CEP78: variants seen among roughly 807,000 people sequenced by gnomAD.
CEP78 encodes centrosomal protein 78.
Under a neutral mutation model 81.2 loss-of-function variants are expected in CEP78, and 76 were observed. That is an observed-to-expected ratio of 0.94 (90% confidence interval 0.78 to 1.13). CEP78 has a LOEUF of 1.13. CEP78 is among the 50% of genes most tolerant of loss of function. CEP78 has a pLI of 0.00. For synonymous variants in CEP78, 293 were observed against 301.4 expected (o/e 0.97, Z 0.29); for missense variants, 918 against 846.8 (o/e 1.08, Z -1.04).
At chr9:78,250,801 A>G (rs1826723232) in intron 8 of CEP78, among the ~76,000 whole-genome samples, 1 of 152,220 alleles carries the variant, frequency 6.6e-6, no homozygotes, top group African/African-American at 2.4e-5. Flanking sequence ...AATACACAGT[A>G]ACTTTTTTTT....
Position 78,274,750 on chromosome 9 carries a change from TAACTC to T in CEP78, c.*3901_*3905del, listed in dbSNP as rs1827767194. ...GGAAATTTTTAAATGATCTTCTAAA[TAACTC>T]ATTTAAAGGAGAAATCAAAATAAAT... On this transcript the variant is annotated 3_prime_UTR_variant, in exon 17 of 17. Coordinates refer to ENST00000643273, the MANE Select transcript of CEP78 (RefSeq NM_001330691.3). 1 of 152,138 alleles carries T rather than the reference TAACTC, an allele frequency of 6.6e-6. No individual in the cohort carries two copies. The highest frequency in any genetic ancestry group is 2.4e-5 in the African/African-American group (1 of 41,446). The allele number at this position is 152,138 out of a possible 1,614,324, so 9.4% of individuals were successfully genotyped here.
rs1254414839 is a variant in CEP78, at chr9:78,253,241, A to G, written c.1215A>G (p.Pro405=). The G allele has an allele frequency of 7.4e-7, 1 of 1,349,958 alleles. No homozygotes were observed. The highest frequency in any genetic ancestry group is 1.8e-4 in the Middle Eastern group (1 of 5,594). The allele number at this position is 1,349,958 out of a possible 1,614,324, so 83.6% of individuals were successfully genotyped here. A position where few individuals can be genotyped will look rare whatever the true frequency, so the allele number is the denominator to read the frequency against. Residue 405 remains proline, a synonymous_variant, in exon 10 of 17, where the codon CCA becomes CCG. Transcript: ENST00000643273. ...ATCGATATCTTTTTAGGGGTTTCCC[A>G]TTAATCAAAACACGTGATATATGTA... ...AERAKRHRGF[P]LIKTRDICNQ... is the part of the protein sequence containing the mutation.
chr9:78,253,414 G>A (rs1826859375), intron 10 of CEP78, 137 bp downstream of exon 10: 2 of 627,750 alleles, frequency 3.2e-6, no homozygotes, highest in South Asian at 1.9e-5. Context: ...AAATTTTCTG[G>A]GTTCTCCCGG....
At chr9:78,268,907 T>G (rs530463964) in intron 16 of CEP78, among the ~76,000 whole-genome samples, 1 of 152,022 alleles carries the variant, frequency 6.6e-6, no homozygotes. Flanking sequence ...CCACCCACCT[T>G]GGCCTCCCAA....
chr9:78,246,688 C>T lies in CEP78; in HGVS notation c.798C>T (p.Cys266=), dbSNP rs201356997. 2.0e-3 allele frequency: 3,285 copies of T among 1,606,754 alleles called. 5 individuals are homozygous for T. The highest frequency in any genetic ancestry group is 2.6e-3 in the Non-Finnish European group (3,050 of 1,176,046). ...CGAAAGCTCTTGACCTGCAACAGTG[C>T]GGCCTCACCAATGAAGGAGCAAAGG... ...LWLRALDLQQ[C]GLTNEGAKAL... is the part of the protein sequence containing the mutation. Residue 266 remains cysteine (C), a synonymous_variant, in exon 6 of 17, where the codon TGC becomes TGT. Transcript: ENST00000643273.
chr9:78,240,917 C>G (rs1481787418), intron 3 of CEP78, among the ~76,000 whole-genome samples: 1 of 151,584 alleles, frequency 6.6e-6, no homozygotes, highest in African/African-American at 2.4e-5. Context: ...GAGCCAAGAT[C>G]ACACCACTGC....
At chr9:78,257,085 A>C (rs1009611365) in intron 11 of CEP78, among the ~76,000 whole-genome samples, 1 of 151,960 alleles carries the variant, frequency 6.6e-6, no homozygotes, top group African/African-American at 2.4e-5. Context: ...GGACAGAAAA[A>C]AATGGATGGA....
At chr9:78,246,922 A>G in intron 6 of CEP78, 140 bp downstream of exon 6, 1 of 522,112 alleles carries the variant, frequency 1.9e-6, no homozygotes, top group Non-Finnish European at 3.4e-6. Flanking sequence ...TTATGTTTTT[A>G]GTAGATAATT....
rs1587578302 is a variant in CEP78, at chr9:78,251,826, T to A, written c.1070-82T>A. The A allele has an allele frequency of 5.5e-6, 7 of 1,282,840 alleles. No homozygotes were observed. The East Asian group carries it at 1.7e-4, about 32-fold the overall frequency. 79.5% of individuals were successfully genotyped at this position (1,282,840 alleles called of 1,614,324 possible). On this transcript the variant is annotated intron_variant, in intron 8 of 16. Transcript: ENST00000643273. ...CATTGTCAGGTGCCCATTTGTATTC[T>A]TTTAAGAGTATGCACATGTGCCTAT...
chr9:78,244,072 CCT>C (rs969645610), intron 5 of CEP78, among the ~76,000 whole-genome samples: 1 of 151,356 alleles, frequency 6.6e-6, no homozygotes. Context: ...GTGCTTTTCC[CCT>C]GTTATAAACA....
Position 78,277,686 on chromosome 9 carries a change from T to G in CEP78, c.*6835T>G, listed in dbSNP as rs1316283142. The G allele has an allele frequency of 6.6e-6, 1 of 152,202 alleles. No homozygotes were observed. The highest frequency in any genetic ancestry group is 1.5e-5 in the Non-Finnish European group (1 of 68,022). 9.4% of individuals were successfully genotyped at this position (152,202 alleles called of 1,614,324 possible). Reference sequence around the variant, plus strand: ...TGACAGTGTGTATCAACATGTGAAATGTCTCCAGCCTTTGATCTAATGACT... The same window carrying G: ...TGACAGTGTGTATCAACATGTGAAAGGTCTCCAGCCTTTGATCTAATGACT... On this transcript the variant is annotated 3_prime_UTR_variant, in exon 17 of 17. Coordinates refer to ENST00000643273, the MANE Select transcript of CEP78 (RefSeq NM_001330691.3).
intron 16 of CEP78, among the ~76,000 whole-genome samples, chr9:78,270,322 T>A (rs1317027813): frequency 1.3e-5 from 2 of 152,240 alleles, no homozygotes; most frequent in African/African-American, 4.8e-5. Context: ...TTAAGAGTTA[T>A]AAATGTGGAT....
chr9:78,265,986 T>C (rs1431553199), intron 15 of CEP78, 80 bp downstream of exon 15: 4 of 731,260 alleles, frequency 5.5e-6, no homozygotes, highest in Non-Finnish European at 9.7e-6. Flanking sequence ...ATCATCTAGT[T>C]ATGGGAATGG....
intron 1 of CEP78, among the ~76,000 whole-genome samples, chr9:78,236,967 G>GTTTTTTT (rs1825974556): frequency 3.7e-5 from 2 of 54,488 alleles, no homozygotes; most frequent in African/African-American, 7.2e-5. Context: ...GTCAGCCTTT[G>GTTTTTTT]TCTTTTTTTT....
At position 78,271,999 on chromosome 9, in the gene CEP78, C is replaced by T. The variant is rs911443137; in HGVS notation, c.*1148C>T. 4.6e-5 allele frequency: 7 copies of T among 152,212 alleles called. No individual in the cohort carries two copies. Among genetic ancestry groups the T allele is most frequent in the Admixed American group, 3.9e-4 (6 of 15,268 alleles). 9.4% of individuals were successfully genotyped at this position (152,212 alleles called of 1,614,324 possible). A position where few individuals can be genotyped will look rare whatever the true frequency, so the allele number is the denominator to read the frequency against. On this transcript the variant is annotated 3_prime_UTR_variant, in exon 17 of 17. Transcript: ENST00000643273. ...CAGCTCACTGCAACCTCCTCGATCT[C>T]AGCTCACTGCAACCGTGAAGTGATC...
intron 16 of CEP78, among the ~76,000 whole-genome samples, chr9:78,268,793 A>C (rs1827628163): frequency 1.4e-5 from 2 of 146,628 alleles, no homozygotes; most frequent in African/African-American, 5.1e-5. Flanking sequence ...AGTAGCTGGG[A>C]CTAGAGGTGC....
rs554789714 is a variant in CEP78 at position 78,250,602 on chromosome 9, G to A, written c.1070-1306G>A. ...AAAATACAAAAAATTAGCCGGGCGTGGCGGCGTGCACCTGTAATCCAAGCT... is the reference window on the plus strand; with the variant it reads ...AAAATACAAAAAATTAGCCGGGCGTAGCGGCGTGCACCTGTAATCCAAGCT... On this transcript the variant is annotated intron_variant, in intron 8 of 16. Coordinates refer to ENST00000643273, the MANE Select transcript of CEP78 (RefSeq NM_001330691.3). 319 of 167,958 alleles carry A rather than the reference G, an allele frequency of 1.9e-3. 1 individual carries two copies. The highest frequency in any genetic ancestry group is 3.3e-3 in the Non-Finnish European group (262 of 78,670). The allele number at this position is 167,958 out of a possible 1,614,324, so 10.4% of individuals were successfully genotyped here.
intron 11 of CEP78, among the ~76,000 whole-genome samples, chr9:78,260,949 T>TTTTG (rs527881115): frequency 2.0e-4 from 31 of 151,836 alleles, no homozygotes; most frequent in African/African-American, 6.5e-4. Context: ...GAATACTTGT[T>TTTTG]TTTGTTTGTT....
intron 1 of CEP78, among the ~76,000 whole-genome samples, chr9:78,237,843 C>T (rs1027598656): frequency 6.6e-6 from 1 of 151,630 alleles, no homozygotes; most frequent in African/African-American, 2.4e-5. Flanking sequence ...GTGGCTTATG[C>T]CTGTAATCCC....
Sources: gnomAD v4.1 joint callset for allele counts (sites outside exome capture counted in the v4.1 genomes callset) on GRCh38, gnomAD v4.1.1 for gene constraint, MANE v1.5 for transcripts, NCBI Gene and HGNC (gene_info 2026-07-23, HGNC 2026-07-21) for gene names.